The following PCDHA3 variants were observed in gnomAD, a reference collection of about 807,000 sequenced individuals.
PCDHA3 encodes the protein protocadherin alpha 3.
Under a neutral mutation model 62.2 loss-of-function variants are expected in PCDHA3, and 41 were observed. The ratio of observed to expected loss-of-function variants is 0.66; its 90% CI spans 0.51 to 0.86. The LOEUF is 0.86. Among genes scored for constraint, PCDHA3 ranks in the 40% least tolerant of loss-of-function variants. PCDHA3 has a pLI of 0.00. For missense variants in PCDHA3, 1,304 were observed against 1,241.2 expected (o/e 1.05, Z -0.76); for synonymous variants, 640 against 555.4 (o/e 1.15, Z -2.14).
At chr5:140,925,072 G>A (rs921580794) in intron 1 of PCDHA3, among the ~76,000 whole-genome samples, 10 of 149,184 alleles carry the variant, frequency 6.7e-5, no homozygotes, top group Admixed American at 2.0e-4. Flanking sequence ...AAAGCAACAC[G>A]CTCATCTGGA....
intron 1 of PCDHA3, chr5:140,842,386 A>G (rs1554138984): frequency 1.2e-6 from 2 of 1,611,028 alleles, no homozygotes; most frequent in Non-Finnish European, 1.7e-6. Flanking sequence ...TGACTTCCTT[A>G]TCCTTGCCTG....
intron 1 of PCDHA3, among the ~76,000 whole-genome samples, chr5:140,892,375 A>G (rs1032467069): frequency 1.3e-5 from 2 of 152,226 alleles, no homozygotes; most frequent in African/African-American, 4.8e-5. Flanking sequence ...GGCACTAGCA[A>G]TCATGGGTAA....
intron 1 of PCDHA3, chr5:140,857,354 G>T (rs1449369579): frequency 6.3e-7 from 1 of 1,598,378 alleles, no homozygotes. Context: ...TCCGCTGTGG[G>T]CCACGGCCAG....
chr5:140,926,827 C>G, intron 1 of PCDHA3: 1 of 1,500,674 alleles, frequency 6.7e-7, no homozygotes, highest in Non-Finnish European at 8.9e-7. Context: ...CTCCAGGAGT[C>G]CGGAGCATGG....
In PCDHA3 at chr5:140,844,364, G is replaced by A. The variant is rs1281881070; in HGVS notation, c.2394+40773G>A. Reference sequence around the variant, plus strand: ...AGTAAAATCAAGAGGGAAGAGATTTGTAATCCTTCTTTTAATTCATTATTT... The same window carrying A: ...AGTAAAATCAAGAGGGAAGAGATTTATAATCCTTCTTTTAATTCATTATTT... On this transcript the variant is annotated intron_variant, in intron 1 of 3. Coordinates refer to ENST00000522353, the MANE Select transcript of PCDHA3 (RefSeq NM_018906.3). Among the ~76,000 whole-genome samples, 3 of 149,238 alleles carry A rather than the reference G, an allele frequency of 2.0e-5. 1 individual carries two copies. The highest frequency in any genetic ancestry group is 4.5e-5 in the Non-Finnish European group (3 of 66,742).
intron 3 of PCDHA3, among the ~76,000 whole-genome samples, chr5:140,996,928 G>A (rs114173550): frequency 6.6e-6 from 1 of 152,032 alleles, no homozygotes; most frequent in African/African-American, 2.4e-5. Flanking sequence ...AAAAAATATA[G>A]CATTTTTGCA....
At chr5:140,972,708 G>C (rs1309799075) in intron 1 of PCDHA3, among the ~76,000 whole-genome samples, 1 of 146,140 alleles carries the variant, frequency 6.8e-6, no homozygotes, top group East Asian at 2.0e-4. Context: ...TCTGTTGCCA[G>C]GCTGGAGTGC....
rs2086150778 is a variant in PCDHA3, at chr5:140,929,428, G to C, written c.2395-49521G>C. ...AGCCTTTCACAACATTTCATCAATT[G>C]AACTAAACACTCCTTCTTAGCACTT... On this transcript the variant is annotated intron_variant, in intron 1 of 3. Coordinates refer to ENST00000522353, the MANE Select transcript of PCDHA3 (RefSeq NM_018906.3). 4 of 1,491,484 alleles carry C rather than the reference G, an allele frequency of 2.7e-6. No homozygotes were observed. The East Asian group carries it at 6.9e-5, about 26-fold the overall frequency. 92.4% of individuals were successfully genotyped at this position (1,491,484 alleles called of 1,614,324 possible). A position where few individuals can be genotyped will look rare whatever the true frequency, so the allele number is the denominator to read the frequency against.
In PCDHA3 at chr5:140,871,676, A is replaced by G. The variant is rs141392186; in HGVS notation, c.2394+68085A>G. ...TACACATCTTCAGTCTTTTAATCAT[A>G]TGAATAATCTGGCTTCTTTAACCAA... On this transcript the variant is annotated intron_variant, in intron 1 of 3. Coordinates refer to ENST00000522353, the MANE Select transcript of PCDHA3 (RefSeq NM_018906.3). 511 of 1,133,248 alleles carry G rather than the reference A, an allele frequency of 4.5e-4. 2 individuals carry two copies. The African/African-American group carries it at 7.0e-3, about 16-fold the overall frequency. The allele number at this position is 1,133,248 out of a possible 1,614,324, so 70.2% of individuals were successfully genotyped here.
At chr5:140,884,509 T>C (rs781917095) in intron 1 of PCDHA3, 3 of 1,612,704 alleles carry the variant, frequency 1.9e-6, no homozygotes, top group Non-Finnish European at 1.7e-6. Flanking sequence ...CGGCAGGGAG[T>C]TGGTCGTACT....
Position 140,852,095 on chromosome 5 carries a change from A to T in PCDHA3, c.2394+48504A>T. The stretch of plus-strand genomic sequence containing the variant: ...CAGCTATTTTATTTAATATTGTGTC[A>T]GATATTTTACAAGGTATGACCTAAT... On this transcript the variant is annotated intron_variant, in intron 1 of 3. Transcript: ENST00000522353. 16 of 908,222 alleles carry T rather than the reference A, an allele frequency of 1.8e-5. 1 individual carries two copies. Among genetic ancestry groups the T allele is most frequent in the Non-Finnish European group, 2.1e-5 (16 of 745,934 alleles). The allele number at this position is 908,222 out of a possible 1,614,324, so 56.3% of individuals were successfully genotyped here.
At chr5:140,835,977 C>G (rs2150249496) in intron 1 of PCDHA3, 1 of 1,613,352 alleles carries the variant, frequency 6.2e-7, no homozygotes, top group Admixed American at 1.7e-5. Context: ...GGAGCTGTTG[C>G]AGTTCCAGGT....
chr5:140,956,186 T>C (rs1305769419), intron 1 of PCDHA3, among the ~76,000 whole-genome samples: 1 of 152,204 alleles, frequency 6.6e-6, no homozygotes, highest in Non-Finnish European at 1.5e-5. Context: ...AATACTATGC[T>C]GAATAGGAGT....
At chr5:140,881,361 C>T (rs990387338) in intron 1 of PCDHA3, 4 of 985,122 alleles carry the variant, frequency 4.1e-6, no homozygotes, top group Non-Finnish European at 2.4e-6. Context: ...GCGTGGCTTT[C>T]GTATGAATTG....
chr5:140,841,809 G>T, intron 1 of PCDHA3: 1 of 1,613,904 alleles, frequency 6.2e-7, no homozygotes. Context: ...GCAGATGTTG[G>T]AGCTAACTCC....
At chr5:140,882,535 G>A (rs2059175245) in intron 1 of PCDHA3, 4 of 1,614,232 alleles carry the variant, frequency 2.5e-6, no homozygotes, top group East Asian at 2.2e-5. Flanking sequence ...TGAATTCTCG[G>A]ATCGACCGCG....
chr5:140,932,430 G>A (rs1563132683), intron 1 of PCDHA3, among the ~76,000 whole-genome samples: 1 of 151,794 alleles, frequency 6.6e-6, no homozygotes, highest in East Asian at 1.9e-4. Context: ...TGTTCACCTG[G>A]AATTAAAGCA....
chr5:140,878,370 T>G (rs1049956194), intron 1 of PCDHA3, among the ~76,000 whole-genome samples: 1 of 152,272 alleles, frequency 6.6e-6, no homozygotes, highest in Non-Finnish European at 1.5e-5. Context: ...GTCTGACATA[T>G]GATGAATGAT....
intron 1 of PCDHA3, chr5:140,843,343 G>C: frequency 6.3e-7 from 1 of 1,596,112 alleles, no homozygotes; most frequent in Non-Finnish European, 8.6e-7. Flanking sequence ...AGAGCGGCCA[G>C]GCTCCAAAAG....
Sources: gnomAD v4.1 joint callset for allele counts (sites outside exome capture counted in the v4.1 genomes callset) on GRCh38, gnomAD v4.1.1 for gene constraint, MANE v1.5 for transcripts, NCBI Gene and HGNC (gene_info 2026-07-23, HGNC 2026-07-21) for gene names.